ANKS4B: variants seen among roughly 807,000 people sequenced by gnomAD.
The protein encoded by ANKS4B is ankyrin repeat and SAM domain-containing protein 4B.
In ANKS4B, 21 loss-of-function variants were observed where a neutral mutation model predicts 20.2. The observed-to-expected ratio is 1.04, with a 90% CI of 0.74 to 1.50. The LOEUF (loss-of-function observed/expected upper bound fraction) is 1.50. Among genes scored for constraint, ANKS4B ranks in the 40% most tolerant of loss-of-function variants. ANKS4B has a pLI of 0.00. For synonymous variants in ANKS4B, 179 were observed against 194.5 expected (o/e 0.92, Z 0.66); for missense variants, 473 against 494.6 (o/e 0.96, Z 0.41).
chr16:21,236,642 C>G (rs1294470597), intron 1 of ANKS4B, among the ~76,000 whole-genome samples: 2 of 152,078 alleles, frequency 1.3e-5, no homozygotes, highest in Non-Finnish European at 2.9e-5. Flanking sequence ...AACTCCTGAG[C>G]TCAAATAATC....
intron 1 of ANKS4B, among the ~76,000 whole-genome samples, chr16:21,237,143 C>T (rs539109954): frequency 7.9e-5 from 12 of 152,216 alleles, no homozygotes; most frequent in African/African-American, 2.6e-4. Flanking sequence ...GCCTCAGCCT[C>T]CTAAGTAGCT....
intron 1 of ANKS4B, among the ~76,000 whole-genome samples, chr16:21,240,706 T>A: frequency 6.6e-6 from 1 of 152,288 alleles, no homozygotes; most frequent in Admixed American, 6.5e-5. Context: ...TGAAACCTTC[T>A]AATTATTTAA....
intron 1 of ANKS4B, among the ~76,000 whole-genome samples, chr16:21,240,783 T>A (rs1045240659): frequency 1.3e-5 from 2 of 151,900 alleles, no homozygotes; most frequent in Admixed American, 6.6e-5. Context: ...TTTTTTTTAA[T>A]AATTTCAACT....
chr16:21,238,071 A>G (rs537467825), intron 1 of ANKS4B, among the ~76,000 whole-genome samples: 1 of 152,174 alleles, frequency 6.6e-6, no homozygotes, highest in South Asian at 2.1e-4. Flanking sequence ...TGAGGCACAA[A>G]TTGCTCCTGA....
In ANKS4B at chr16:21,233,715, C is replaced by T. The variant is rs1003691773; in HGVS notation, c.-23C>T. ...TTGCTCTGCCTGGAGAGACATCTGG[C>T]CAAGTTCTGGTGAGCAGGAAAAATG... On this transcript the variant is annotated 5_prime_UTR_variant, in exon 1 of 2. Transcript: ENST00000311620. 1.6e-5 allele frequency: 26 copies of T among 1,610,492 alleles called. No homozygotes were observed. The highest frequency in any genetic ancestry group is 2.0e-5 in the Non-Finnish European group (24 of 1,178,178).
chr16:21,235,497 T>A (rs2093319255), intron 1 of ANKS4B, among the ~76,000 whole-genome samples: 1 of 152,162 alleles, frequency 6.6e-6, no homozygotes, highest in African/African-American at 2.4e-5. Flanking sequence ...AGAGTAGATT[T>A]ATGTTTACAA....
At chr16:21,236,203 G>C (rs727780) in intron 1 of ANKS4B, among the ~76,000 whole-genome samples, 44,201 of 151,960 alleles carry the variant, frequency 0.29, 7,967 homozygotes, top group African/African-American at 0.51. Context: ...AGAGAGCAAG[G>C]GGGGAGGTGC....
At chr16:21,248,539 G>A (rs896147122) in intron 1 of ANKS4B, among the ~76,000 whole-genome samples, 4 of 151,876 alleles carry the variant, frequency 2.6e-5, no homozygotes, top group Non-Finnish European at 4.4e-5. Flanking sequence ...AGACCAGCCT[G>A]ACCAACACGG....
rs1171063666 is a variant in ANKS4B at position 21,250,279 on chromosome 16, A to G, written c.713A>G (p.Glu238Gly). 1 of 1,614,096 alleles carries G rather than the reference A, an allele frequency of 6.2e-7. No homozygotes were observed. The highest frequency in any genetic ancestry group is 1.3e-5 in the African/African-American group (1 of 74,938). ...GTGATGGAAGTGTTCAGAGAGGAAGAGGAAGACTCGTTCTCAGGGGACTTC... is the reference window on the plus strand; with the variant it reads ...GTGATGGAAGTGTTCAGAGAGGAAGGGGAAGACTCGTTCTCAGGGGACTTC... ...RNVMEVFREE[E>G]EDSFSGDFKE... The change falls in exon 2 of 2, where the codon GAG becomes GGG. Residue 238 changes from glutamate to glycine, a missense_variant. Transcript: ENST00000311620.
Position 21,250,841 on chromosome 16 carries a change from C to G in ANKS4B, c.*21C>G. On this transcript the variant is annotated 3_prime_UTR_variant, in exon 2 of 2. Transcript: ENST00000311620. Reference sequence around the variant, plus strand: ...TGTGATGGAGAGTTTTGGCCTGGAGCATTGGGGTGATGCTGTGGCCCGCTG... The same window carrying G: ...TGTGATGGAGAGTTTTGGCCTGGAGGATTGGGGTGATGCTGTGGCCCGCTG... The G allele has an allele frequency of 6.4e-7, 1 of 1,566,922 alleles. No homozygotes were observed. The highest frequency in any genetic ancestry group is 8.7e-7 in the Non-Finnish European group (1 of 1,152,140).
In ANKS4B at chr16:21,242,253, C is replaced by A. The variant is rs371672278; in HGVS notation, c.165-7478C>A. On this transcript the variant is annotated intron_variant, in intron 1 of 1. Transcript: ENST00000311620. Reference sequence around the variant, plus strand: ...CCAGGCTGGAGTGAAGTGGCACGATCTTGGCTCACTGCAACCTCCGCCTCC... The same window carrying A: ...CCAGGCTGGAGTGAAGTGGCACGATATTGGCTCACTGCAACCTCCGCCTCC... Among the ~76,000 whole-genome samples the A allele has an allele frequency of 3.9e-5, 6 of 152,176 alleles. No homozygotes were observed. In the East Asian group the frequency reaches 5.8e-4, roughly 15 times the overall value.
chr16:21,250,148 C>A lies in ANKS4B; in HGVS notation c.582C>A (p.Phe194Leu), dbSNP rs376304434. Residue 194 changes from phenylalanine (F) to leucine (L), a missense_variant, in exon 2 of 2, where the codon TTC (phenylalanine) becomes TTA (leucine). By Grantham distance (22) the Phe-to-Leu change is conservative (BLOSUM62 0). Coordinates refer to ENST00000311620, the MANE Select transcript of ANKS4B (RefSeq NM_145865.3). ...CAAATGCTTCTGCTCCTGGCACATT[C>A]GGGTCACTATCTAAGGGCATTAAAG... ...SPSNASAPGT[F>L]GSLSKGIKDT... The A allele has an allele frequency of 1.6e-5, 26 of 1,614,014 alleles. No homozygotes were observed. The highest frequency in any genetic ancestry group is 2.1e-5 in the Non-Finnish European group (25 of 1,180,038).
intron 1 of ANKS4B, among the ~76,000 whole-genome samples, chr16:21,248,697 C>T (rs997532417): frequency 2.6e-5 from 4 of 152,018 alleles, no homozygotes; most frequent in Admixed American, 2.6e-4. Context: ...CACCACTGCA[C>T]TCCAGCCTGG....
At chr16:21,247,510 G>C (rs969587572) in intron 1 of ANKS4B, among the ~76,000 whole-genome samples, 1 of 152,154 alleles carries the variant, frequency 6.6e-6, no homozygotes, top group Non-Finnish European at 1.5e-5. Context: ...TCTACTTCTC[G>C]GGAATGTTAA....
chr16:21,249,701 A>G, intron 1 of ANKS4B, 30 bp from the exon 2 acceptor site: 4 of 1,552,302 alleles, frequency 2.6e-6, no homozygotes, highest in Middle Eastern at 1.7e-4. Flanking sequence ...AAAGTCCAAC[A>G]TGTATTTTTT....
intron 1 of ANKS4B, 104 bp from the exon 2 acceptor site, chr16:21,249,627 G>A: frequency 7.9e-7 from 1 of 1,272,296 alleles, no homozygotes; most frequent in Non-Finnish European, 1.1e-6. Context: ...GAACATGTTT[G>A]TATTAACGTG....
At chr16:21,238,237 C>T (rs958482640) in intron 1 of ANKS4B, among the ~76,000 whole-genome samples, 9 of 152,070 alleles carry the variant, frequency 5.9e-5, no homozygotes, top group African/African-American at 1.2e-4. Context: ...CTTTGGTTGC[C>T]GATGAGGTTG....
chr16:21,250,903 C>A lies in ANKS4B; in HGVS notation c.*83C>A. ...GGCGGCACCCCCTCTTTACCCAATG[C>A]CAGACCACTGGGAATGGATTCTAGG... On this transcript the variant is annotated 3_prime_UTR_variant, in exon 2 of 2. Transcript: ENST00000311620. 6.7e-7 allele frequency: 1 copy of A among 1,497,054 alleles called. No individual in the cohort carries two copies. Among genetic ancestry groups the A allele is most frequent in the Non-Finnish European group, 8.9e-7 (1 of 1,119,100 alleles). 92.7% of individuals were successfully genotyped at this position (1,497,054 alleles called of 1,614,324 possible).
chr16:21,249,606 C>A, intron 1 of ANKS4B, 125 bp from the exon 2 acceptor site: 1 of 1,124,722 alleles, frequency 8.9e-7, no homozygotes. Context: ...ATAACAATGT[C>A]AAGTCAGGAT....
Sources: allele counts gnomAD v4.1 joint callset (sites outside exome capture counted in the v4.1 genomes callset), GRCh38; gene constraint gnomAD v4.1.1; transcripts MANE v1.5; gene names NCBI Gene and HGNC (gene_info 2026-07-23, HGNC 2026-07-21).